SCARB2: variants seen among roughly 807,000 people sequenced by gnomAD.
The protein encoded by SCARB2 is scavenger receptor class B member 2.
Under a neutral mutation model 58.6 loss-of-function variants are expected in SCARB2, and 29 were observed. The observed-to-expected ratio is 0.49, with a 90% CI of 0.37 to 0.67. SCARB2 has a LOEUF of 0.67. Among genes scored for constraint, SCARB2 ranks in the 30% least tolerant of loss-of-function variants. SCARB2 has a pLI of 0.00. For synonymous variants in SCARB2, 195 were observed against 210.1 expected, an observed-to-expected ratio of 0.93 and a Z score of 0.62; for missense variants, 488 against 578.5, an observed-to-expected ratio of 0.84 and a Z score of 1.60.
intron 10 of SCARB2, chr4:76,164,144 T>C (rs2109932496): frequency 6.6e-6 from 1 of 152,426 alleles, no homozygotes; most frequent in South Asian, 2.1e-4. Context: ...CCTAGTGTAA[T>C]GAGTGAGGTA....
rs868864283 is a variant in SCARB2 at position 76,166,501 on chromosome 4, G to A, written c.1188-200C>T. On this transcript the variant is annotated intron_variant, in intron 9 of 11. Coordinates refer to ENST00000264896, the MANE Select transcript of SCARB2 (RefSeq NM_005506.4). ...TGTCTAGCAATTCCATGTGCTGTAC[G>A]TTTATCAAAACACAAGATACTGAAG... The A allele has an allele frequency of 8.7e-5, 55 of 631,312 alleles. No individual in the cohort carries two copies. The Middle Eastern group carries it at 4.7e-3, about 54-fold the overall frequency. The allele number at this position is 631,312 out of a possible 1,614,324, so 39.1% of individuals were successfully genotyped here.
chr4:76,170,421 T>G (rs1416262535), intron 7 of SCARB2, among the ~76,000 whole-genome samples: 1 of 152,216 alleles, frequency 6.6e-6, no homozygotes, highest in Non-Finnish European at 1.5e-5. Context: ...GGCAGAATAC[T>G]AAGTGAATGA....
At chr4:76,197,104 C>T (rs1732729576) in intron 1 of SCARB2, among the ~76,000 whole-genome samples, 1 of 152,206 alleles carries the variant, frequency 6.6e-6, no homozygotes, top group African/African-American at 2.4e-5. Context: ...ACCAACTCTG[C>T]CAATACCTTG....
At chr4:76,195,196 C>T (rs999359) in intron 2 of SCARB2, 1 of 157,056 alleles carries the variant, frequency 6.4e-6, no homozygotes, top group Non-Finnish European at 1.4e-5. Flanking sequence ...TATAGCAAGA[C>T]CTCATCTCTA....
In SCARB2 at chr4:76,210,918, C is replaced by T. The variant is rs116195983; in HGVS notation, c.117+2509G>A. On this transcript the variant is annotated intron_variant, in intron 1 of 11. Transcript: ENST00000264896. ...TCTTCCCTTTTTGACATAGACAAGT[C>T]GGGGCATAGACAATCTTCAAATGAA... Among the ~76,000 whole-genome samples the T allele has an allele frequency of 4.7e-3, 720 of 152,192 alleles. 4 individuals carry two copies. The highest frequency in any genetic ancestry group is 0.017 in the African/African-American group (704 of 41,522).
intron 2 of SCARB2, among the ~76,000 whole-genome samples, chr4:76,190,392 T>A (rs893686094): frequency 2.6e-5 from 4 of 151,872 alleles, no homozygotes; most frequent in African/African-American, 7.3e-5. Context: ...TTGCACTAAG[T>A]AAGATGTGAA....
At chr4:76,215,312 C>T (rs1241210399), upstream of SCARB2, among the ~76,000 whole-genome samples, 2 of 152,198 alleles carry the variant, frequency 1.3e-5, no homozygotes, top group East Asian at 3.8e-4. Context: ...ACAAGCTCAA[C>T]TGGTTGCTGA....
upstream of SCARB2, chr4:76,217,482 C>T (rs193290840): frequency 1.2e-4 from 49 of 407,522 alleles, no homozygotes; most frequent in Non-Finnish European, 1.9e-4. Context: ...TGTCAGAGAG[C>T]GGGTTGTTGA....
intron 1 of SCARB2, among the ~76,000 whole-genome samples, chr4:76,232,410 A>C (rs1733509276): frequency 6.6e-6 from 1 of 152,218 alleles, no homozygotes; most frequent in Admixed American, 6.5e-5. Flanking sequence ...CTTATTCTAA[A>C]TCATCTCTTG....
chr4:76,184,254 C>T (rs553931404), intron 2 of SCARB2, among the ~76,000 whole-genome samples: 2 of 152,340 alleles, frequency 1.3e-5, no homozygotes, highest in African/African-American at 4.8e-5. Context: ...ATGAGACAAC[C>T]TCTCCTAACA....
chr4:76,167,904 T>A (rs185513412), intron 9 of SCARB2, among the ~76,000 whole-genome samples: 197 of 152,136 alleles, frequency 1.3e-3, no homozygotes, highest in African/African-American at 4.6e-3. Flanking sequence ...ATGGTCTTGA[T>A]CTCCTGACCT....
rs1167322702 is a variant in SCARB2 at position 76,161,488 on chromosome 4, C to T, written c.*225G>A. Reference sequence around the variant, plus strand: ...GGGTTTATTAAATACTTGCTAGACACATAAAAGAACAATTTCAGAGCCCAC... The same window carrying T: ...GGGTTTATTAAATACTTGCTAGACATATAAAAGAACAATTTCAGAGCCCAC... On this transcript the variant is annotated 3_prime_UTR_variant, in exon 12 of 12. Coordinates refer to ENST00000264896, the MANE Select transcript of SCARB2 (RefSeq NM_005506.4). 1.7e-6 allele frequency: 1 copy of T among 592,680 alleles called. No individual in the cohort carries two copies. The highest frequency in any genetic ancestry group is 1.9e-5 in the African/African-American group (1 of 53,588). The allele number at this position is 592,680 out of a possible 1,614,324, so 36.7% of individuals were successfully genotyped here.
At chr4:76,186,263 C>T (rs1433458564) in intron 2 of SCARB2, among the ~76,000 whole-genome samples, 1 of 152,088 alleles carries the variant, frequency 6.6e-6, no homozygotes, top group Non-Finnish European at 1.5e-5. Context: ...GGTGTTCCAA[C>T]AGAGGCAGCG....
At chr4:76,196,224 G>A (rs971793864) in intron 1 of SCARB2, among the ~76,000 whole-genome samples, 2 of 152,194 alleles carry the variant, frequency 1.3e-5, no homozygotes, top group Non-Finnish European at 2.9e-5. Flanking sequence ...GTGGTGGTGC[G>A]TGCCTGTAAT....
At chr4:76,183,270 C>A (rs1732421520) in intron 2 of SCARB2, among the ~76,000 whole-genome samples, 1 of 152,186 alleles carries the variant, frequency 6.6e-6, no homozygotes, top group South Asian at 2.1e-4. Flanking sequence ...CAATTCAATT[C>A]AATTCTGATA....
chr4:76,163,213 GC>G lies in SCARB2; in HGVS notation c.1398+11del, dbSNP rs1437283902. ...ATCCAGTAAGGAAGAAGTTCCTTCA[GC>G]CAGTTCTCACCTCATCCATGGATCC... On this transcript the variant is annotated intron_variant, in intron 11 of 11. Coordinates refer to ENST00000264896, the MANE Select transcript of SCARB2 (RefSeq NM_005506.4). 1 of 1,614,118 alleles carries G rather than the reference GC, an allele frequency of 6.2e-7. No individual in the cohort carries two copies. The highest frequency in any genetic ancestry group is 1.1e-5 in the South Asian group (1 of 91,076).
intron 1 of SCARB2, among the ~76,000 whole-genome samples, chr4:76,233,710 T>C (rs1175328816): frequency 1.8e-4 from 28 of 152,046 alleles, no homozygotes. Flanking sequence ...AACATCCAGA[T>C]ACCAACCACA....
chr4:76,163,351 T>C lies in SCARB2; in HGVS notation c.1272A>G (p.Arg424=). The change falls in exon 11 of 12, where the codon CGA becomes CGG. Residue 424 remains arginine (R), a synonymous_variant. Transcript: ENST00000264896. ...AAGTAGTGTTAATCATAGACTTCAG[T>C]CGACTCGCCGTCTCTTTATCAATGT... is the stretch of plus-strand genomic sequence containing the variant. ...SVHIDKETAS[R]LKSMINTTLI... is the part of the protein sequence containing the mutation. The C allele has an allele frequency of 6.2e-7, 1 of 1,614,214 alleles. No individual in the cohort carries two copies. Among genetic ancestry groups the C allele is most frequent in the African/African-American group, 1.3e-5 (1 of 75,060 alleles).
intron 1 of SCARB2, among the ~76,000 whole-genome samples, chr4:76,232,997 G>C (rs942858295): frequency 6.6e-6 from 1 of 152,114 alleles, no homozygotes; most frequent in African/African-American, 2.4e-5. Flanking sequence ...CCAGTTGTTT[G>C]AACCTTCAGC....
Sources: gnomAD v4.1 joint callset for allele counts (sites outside exome capture counted in the v4.1 genomes callset) on GRCh38, gnomAD v4.1.1 for gene constraint, MANE v1.5 for transcripts, NCBI Gene and HGNC (gene_info 2026-07-23, HGNC 2026-07-21) for gene names.